The following SEC24B variants were observed in gnomAD, a reference collection of about 807,000 sequenced individuals.
The protein encoded by SEC24B is SEC24 homolog B, COPII component, also known as protein transport protein Sec24B.
In SEC24B, 45 loss-of-function variants were observed where a neutral mutation model predicts 142.8. The ratio of observed to expected loss-of-function variants is 0.32; its 90% CI spans 0.25 to 0.40. The LOEUF is 0.40. SEC24B is among the 10% of genes least tolerant of loss of function. The pLI is 1.00. For missense variants in SEC24B, 1,409 were observed against 1,526.8 expected (o/e 0.92, Z 1.29); for synonymous variants, 574 against 568.2 (o/e 1.01, Z -0.15).
intron 6 of SEC24B, among the ~76,000 whole-genome samples, chr4:109,495,737 A>G (rs1427217609): frequency 3.3e-5 from 5 of 152,144 alleles, no homozygotes; most frequent in Non-Finnish European, 5.9e-5. Context: ...CAGATAAGGG[A>G]TGATGGAGCT....
chr4:109,451,830 A>G (rs561687051), intron 1 of SEC24B, among the ~76,000 whole-genome samples: 70 of 152,284 alleles, frequency 4.6e-4, no homozygotes, highest in African/African-American at 1.7e-3. Context: ...GTCTATCTGT[A>G]TCTGTATTAC....
chr4:109,452,076 GAA>G (rs34376244), intron 1 of SEC24B, among the ~76,000 whole-genome samples: 87 of 143,778 alleles, frequency 6.1e-4, no homozygotes, highest in African/African-American at 2.1e-3. Flanking sequence ...CCATCACCAT[GAA>G]AAAAAAAAAA....
intron 2 of SEC24B, among the ~76,000 whole-genome samples, chr4:109,466,662 G>A (rs1578816524): frequency 2.0e-5 from 3 of 152,136 alleles, no homozygotes; most frequent in Non-Finnish European, 2.9e-5. Context: ...CGCCCGCCTT[G>A]GCCTCCCAAA....
intron 2 of SEC24B, among the ~76,000 whole-genome samples, chr4:109,470,498 T>C (rs991917046): frequency 3.3e-5 from 5 of 152,352 alleles, no homozygotes; most frequent in South Asian, 4.1e-4. Flanking sequence ...GTCTGCTTTC[T>C]AGGCCAAAGA....
At chr4:109,449,672 CTCT>C (rs887101008) in intron 1 of SEC24B, among the ~76,000 whole-genome samples, 3 of 152,074 alleles carry the variant, frequency 2.0e-5, no homozygotes, top group African/African-American at 7.2e-5. Context: ...AGAGATCTCT[CTCT>C]TCTTTTTATA....
intron 5 of SEC24B, among the ~76,000 whole-genome samples, chr4:109,492,269 C>T (rs879553312): frequency 3.3e-5 from 5 of 151,748 alleles, no homozygotes; most frequent in East Asian, 1.9e-4. Flanking sequence ...CTTGAATAAA[C>T]GACTCAGTTT....
intron 1 of SEC24B, among the ~76,000 whole-genome samples, chr4:109,447,768 A>G (rs1240481059): frequency 1.3e-5 from 2 of 152,148 alleles, no homozygotes; most frequent in African/African-American, 2.4e-5. Flanking sequence ...TTTTCTATTT[A>G]CTGCTGTAAC....
chr4:109,446,437 T>C (rs968517910), intron 1 of SEC24B, among the ~76,000 whole-genome samples: 1 of 152,184 alleles, frequency 6.6e-6, no homozygotes, highest in Non-Finnish European at 1.5e-5. Context: ...CTTGACACTT[T>C]GTAGCCCAGT....
At chr4:109,519,720 G>C (rs912573707) in intron 11 of SEC24B, among the ~76,000 whole-genome samples, 2 of 152,196 alleles carry the variant, frequency 1.3e-5, no homozygotes, top group African/African-American at 4.8e-5. Context: ...CCACCTTGCA[G>C]ACTATATCTT....
At chr4:109,436,654 G>A (rs758912262) in intron 1 of SEC24B, among the ~76,000 whole-genome samples, 2 of 152,182 alleles carry the variant, frequency 1.3e-5, no homozygotes, top group African/African-American at 2.4e-5. Context: ...CTTAGGATGG[G>A]TCTCCTAGAC....
intron 4 of SEC24B, among the ~76,000 whole-genome samples, chr4:109,483,365 C>T (rs1337890145): frequency 2.0e-5 from 3 of 152,040 alleles, no homozygotes; most frequent in Non-Finnish European, 1.5e-5. Context: ...AGGTGTGAGC[C>T]ACAGTGCCCG....
chr4:109,521,158 T>C lies in SEC24B; in HGVS notation c.2287T>C (p.Tyr763His). 6.6e-7 allele frequency: 1 copy of C among 1,520,260 alleles called. No individual in the cohort carries two copies. The highest frequency in any genetic ancestry group is 9.1e-7 in the Non-Finnish European group (1 of 1,099,790). 94.2% of individuals were successfully genotyped at this position (1,520,260 alleles called of 1,614,324 possible). A position where few individuals can be genotyped will look rare whatever the true frequency, so the allele number is the denominator to read the frequency against. The stretch of plus-strand genomic sequence containing the variant: ...ACCGGATAGTTTACTTGTGAATCTA[T>C]ATGAAAGTAAAGAGGTAAGATTGAT... ...PTPDSLLVNLYESKELIKDLL... is the reference protein window; with the variant it reads ...PTPDSLLVNLHESKELIKDLL... The change falls in exon 13 of 24, where the codon TAT becomes CAT. Residue 763 changes from tyrosine to histidine, a missense_variant. Coordinates refer to ENST00000265175, the MANE Select transcript of SEC24B (RefSeq NM_006323.5).
At position 109,515,982 on chromosome 4, in the gene SEC24B, A is replaced by T. The variant is rs545336060; in HGVS notation, c.2014-546A>T. Among the ~76,000 whole-genome samples, 3 of 152,108 alleles carry T rather than the reference A, an allele frequency of 2.0e-5. No individual in the cohort carries two copies. In the East Asian group the frequency reaches 5.8e-4, roughly 29 times the overall value. On this transcript the variant is annotated intron_variant, in intron 10 of 23. Transcript: ENST00000265175. Reference sequence around the variant, plus strand: ...AGAATCGCTTGAACCTGGGAGGCAGAGATTGCAGTGAGCCAAGACTGCACC... The same window carrying T: ...AGAATCGCTTGAACCTGGGAGGCAGTGATTGCAGTGAGCCAAGACTGCACC...
At chr4:109,494,886 A>G in intron 6 of SEC24B, 30 bp downstream of exon 6, 1 of 1,608,494 alleles carries the variant, frequency 6.2e-7, no homozygotes, top group Non-Finnish European at 8.5e-7. Flanking sequence ...CACACATTGT[A>G]ACAGTTATAA....
chr4:109,525,247 A>G, intron 15 of SEC24B, 99 bp from the exon 16 acceptor site: 1 of 1,038,604 alleles, frequency 9.6e-7, no homozygotes, highest in Non-Finnish European at 1.3e-6. Flanking sequence ...AGGTTTTCTC[A>G]TGACTTAGAT....
intron 1 of SEC24B, among the ~76,000 whole-genome samples, chr4:109,458,229 A>AT (rs969861933): frequency 2.6e-5 from 4 of 151,918 alleles, no homozygotes; most frequent in African/African-American, 9.7e-5. Context: ...TATTTTGAAT[A>AT]TTTTTTAAAT....
chr4:109,487,309 T>C (rs778435087), intron 4 of SEC24B, among the ~76,000 whole-genome samples: 1 of 152,062 alleles, frequency 6.6e-6, no homozygotes, highest in Non-Finnish European at 1.5e-5. Flanking sequence ...TAATTTGCCA[T>C]GTGAAGAAAG....
chr4:109,448,200 G>C (rs1380781194), intron 1 of SEC24B, among the ~76,000 whole-genome samples: 1 of 152,108 alleles, frequency 6.6e-6, no homozygotes, highest in African/African-American at 2.4e-5. Flanking sequence ...ACAAGTTTCA[G>C]AGATTAGGAT....
intron 1 of SEC24B, among the ~76,000 whole-genome samples, chr4:109,438,476 G>T (rs1728621824): frequency 6.6e-6 from 1 of 152,042 alleles, no homozygotes. Flanking sequence ...ACCATACCCA[G>T]CTAACTTTTA....
Sources: allele counts gnomAD v4.1 joint callset (sites outside exome capture counted in the v4.1 genomes callset), GRCh38; gene constraint gnomAD v4.1.1; transcripts MANE v1.5; gene names NCBI Gene and HGNC (gene_info 2026-07-23, HGNC 2026-07-21).